SLC10A1: variants seen among roughly 807,000 people sequenced by gnomAD.
SLC10A1 encodes the protein solute carrier family 10 member 1.
SLC10A1 carries 36 observed loss-of-function variants against 20.5 expected under a neutral mutation model. That is an observed-to-expected ratio of 1.75 (90% CI 1.34 to 2.32). SLC10A1 has a LOEUF of 2.32. Ranked by LOEUF, SLC10A1 falls within the 30% of genes most tolerant of loss-of-function variation. The pLI is 0.00. For synonymous variants in SLC10A1, 188 were observed against 163.6 expected (o/e 1.15, Z -1.14); for missense variants, 545 against 439.1 (o/e 1.24, Z -2.16).
rs201771126 is a variant in SLC10A1, at chr14:69,779,187, A to T, written c.741T>A (p.Asn247Lys). ...GYVLSALFCLNGRCRRTVSME... is the reference protein window; with the variant it reads ...GYVLSALFCLKGRCRRTVSME... ...AAAAAAAAAAAAATACCTACCGTCC[A>T]TTGAGGCAGAAGAGAGCAGAGAGAA... is the stretch of plus-strand genomic sequence containing the variant. The change falls in exon 3 of 5, where the codon AAT (asparagine) becomes AAA (lysine). Residue 247 changes from asparagine (N) to lysine (K), a missense_variant. Transcript: ENST00000216540. The T allele has an allele frequency of 5.0e-6, 8 of 1,592,922 alleles. No homozygotes were observed. The highest frequency in any genetic ancestry group is 6.8e-6 in the Non-Finnish European group (8 of 1,172,396).
chr14:69,786,937 C>T (rs1013617130), intron 1 of SLC10A1, among the ~76,000 whole-genome samples: 5 of 152,118 alleles, frequency 3.3e-5, no homozygotes, highest in Non-Finnish European at 5.9e-5. Context: ...GTCAAAAACC[C>T]TACTAGAAAA....
Position 69,778,435 on chromosome 14 carries a change from G to T in SLC10A1, c.841C>A (p.Pro281Thr), listed in dbSNP as rs753750057. 6 of 1,613,966 alleles carry T rather than the reference G, an allele frequency of 3.7e-6. No homozygotes were observed. In the East Asian group the frequency reaches 1.1e-4, roughly 30 times the overall value. ...NVAFPPEVIG[P>T]LFFFPLLYMI... ...TAGAGGAGGGGAAAGAAGAAAAGTGGTCCAATGACTTCAGGTGGAAAGGCC... is the reference window on the plus strand; with the variant it reads ...TAGAGGAGGGGAAAGAAGAAAAGTGTTCCAATGACTTCAGGTGGAAAGGCC... The change falls in exon 4 of 5, where the codon CCA (proline) becomes ACA (threonine). Residue 281 changes from proline (P) to threonine (T), a missense_variant. Transcript: ENST00000216540.
chr14:69,791,244 A>G (rs1455661337), intron 1 of SLC10A1, among the ~76,000 whole-genome samples: 1 of 152,092 alleles, frequency 6.6e-6, no homozygotes, highest in Non-Finnish European at 1.5e-5. Context: ...TTTTTTGTAG[A>G]CTTGAAAGGT....
chr14:69,777,406 G>A (rs144359574), intron 4 of SLC10A1, among the ~76,000 whole-genome samples: 316 of 152,186 alleles, frequency 2.1e-3, no homozygotes, highest in African/African-American at 7.3e-3. Context: ...GGAAAGTTGT[G>A]TATTTCTCCT....
chr14:69,791,198 T>C (rs1015239350), intron 1 of SLC10A1, among the ~76,000 whole-genome samples: 6 of 152,206 alleles, frequency 3.9e-5, no homozygotes, highest in African/African-American at 1.4e-4. Context: ...TATATAAATG[T>C]AATGCACATT....
chr14:69,776,796 T>A (rs1302253541), intron 4 of SLC10A1, among the ~76,000 whole-genome samples: 1 of 152,222 alleles, frequency 6.6e-6, no homozygotes, highest in Non-Finnish European at 1.5e-5. Flanking sequence ...ATCTACCTCT[T>A]CTTGTCCGTG....
chr14:69,781,571 AGTT>A (rs1296642071), intron 2 of SLC10A1, among the ~76,000 whole-genome samples: 1 of 152,254 alleles, frequency 6.6e-6, no homozygotes, highest in African/African-American at 2.4e-5. Flanking sequence ...AGTTGGCAGA[AGTT>A]GTAAGACAAA....
chr14:69,793,629 G>A (rs888737763), intron 1 of SLC10A1, among the ~76,000 whole-genome samples: 2 of 152,142 alleles, frequency 1.3e-5, no homozygotes, highest in Non-Finnish European at 1.5e-5. Flanking sequence ...TCTTGTCCTG[G>A]TTGAGCTTCC....
At chr14:69,788,547 CT>C (rs773705243) in intron 1 of SLC10A1, among the ~76,000 whole-genome samples, 283 of 142,004 alleles carry the variant, frequency 2.0e-3, no homozygotes, top group Admixed American at 1.9e-3. Flanking sequence ...ATGAAGAACT[CT>C]TTTTTTTTTT....
intron 4 of SLC10A1, among the ~76,000 whole-genome samples, chr14:69,777,012 G>A (rs1202343498): frequency 6.6e-6 from 1 of 152,166 alleles, no homozygotes; most frequent in Non-Finnish European, 1.5e-5. Context: ...GTTTCCACTG[G>A]GGTCTTCTGA....
At chr14:69,786,377 G>A in intron 1 of SLC10A1, 70 bp from the exon 2 acceptor site, 1 of 1,275,464 alleles carries the variant, frequency 7.8e-7, no homozygotes, top group Non-Finnish European at 1.1e-6. Context: ...TTGAGTGCCT[G>A]CTAAGTGCCA....
intron 1 of SLC10A1, among the ~76,000 whole-genome samples, chr14:69,790,532 T>G (rs1342422188): frequency 6.6e-6 from 1 of 152,084 alleles, no homozygotes; most frequent in Non-Finnish European, 1.5e-5. Context: ...CATATTACTA[T>G]ATTATTAAAG....
chr14:69,789,125 A>G (rs1883787727), intron 1 of SLC10A1, among the ~76,000 whole-genome samples: 1 of 152,238 alleles, frequency 6.6e-6, no homozygotes, highest in South Asian at 2.1e-4. Flanking sequence ...GGGAAGTAAA[A>G]TGGTGCTTTG....
rs566841906 is a variant in SLC10A1, at chr14:69,790,522, C to T, written c.357-4215G>A. ...TTTAACATTAGATAATCTATTAATA[C>T]ATATTACTATATTATTAAAGAAATG... is the stretch of plus-strand genomic sequence containing the variant. On this transcript the variant is annotated intron_variant, in intron 1 of 4. Transcript: ENST00000216540. 2.0e-4 allele frequency among the ~76,000 whole-genome samples: 31 copies of T among 151,980 alleles called. 2 individuals carry two copies. In the South Asian group the frequency reaches 6.4e-3, roughly 32 times the overall value.
intron 1 of SLC10A1, among the ~76,000 whole-genome samples, chr14:69,789,463 A>G (rs1484079445): frequency 6.6e-6 from 1 of 152,262 alleles, no homozygotes; most frequent in African/African-American, 2.4e-5. Context: ...ACAAAAGGTC[A>G]CATATTGAAT....
Position 69,781,597 on chromosome 14 carries a change from G to A in SLC10A1, c.568-2237C>T, listed in dbSNP as rs573669057. On this transcript the variant is annotated intron_variant, in intron 2 of 4. Transcript: ENST00000216540. ...GTTGTAAGACAAAGGAGAGTTAGGG[G>A]TCAGTTCAGCAGTAGCAGCAGGTGT... Among the ~76,000 whole-genome samples the A allele has an allele frequency of 4.6e-5, 7 of 152,354 alleles. No individual in the cohort carries two copies. The South Asian group carries it at 1.4e-3, about 32-fold the overall frequency.
chr14:69,787,178 T>C (rs949498052), intron 1 of SLC10A1, among the ~76,000 whole-genome samples: 2 of 142,264 alleles, frequency 1.4e-5, no homozygotes, highest in African/African-American at 2.9e-5. Flanking sequence ...CTCTTGATAT[T>C]ATTTAAAATA....
chr14:69,778,818 T>A (rs1206938363), intron 3 of SLC10A1, among the ~76,000 whole-genome samples: 4 of 152,160 alleles, frequency 2.6e-5, no homozygotes, highest in Non-Finnish European at 5.9e-5. Context: ...TTCTTATTCG[T>A]TTCCTGAAAG....
In SLC10A1 at chr14:69,786,139, G is replaced by A. The variant is rs202033349; in HGVS notation, c.525C>T (p.Val175=). 1 of 1,614,116 alleles carries A rather than the reference G, an allele frequency of 6.2e-7. No homozygotes were observed. Among genetic ancestry groups the A allele is most frequent in the Non-Finnish European group, 8.5e-7 (1 of 1,180,028 alleles). ...LVLIPCTIGI[V]LKSKRPQYMR... The stretch of plus-strand genomic sequence containing the variant: ...TGTATTGTGGCCGTTTGGATTTGAG[G>A]ACGATCCCTATGGTGCAAGGAATGA... Residue 175 remains valine (V), a synonymous_variant, in exon 2 of 5, where the codon GTC becomes GTT. Coordinates refer to ENST00000216540, the MANE Select transcript of SLC10A1 (RefSeq NM_003049.4).
Sources: allele counts gnomAD v4.1 joint callset (sites outside exome capture counted in the v4.1 genomes callset), GRCh38; gene constraint gnomAD v4.1.1; transcripts MANE v1.5; gene names NCBI Gene and HGNC (gene_info 2026-07-23, HGNC 2026-07-21).